CAMK1D: variants seen among roughly 807,000 people sequenced by gnomAD.
CAMK1D encodes the protein calcium/calmodulin dependent protein kinase ID.
Under a neutral mutation model 47.7 loss-of-function variants are expected in CAMK1D, and 9 were observed. That is an observed-to-expected ratio of 0.19 (90% CI 0.11 to 0.33). The LOEUF is 0.33. CAMK1D is among the 10% of genes least tolerant of loss of function. CAMK1D has a pLI of 1.00. For missense variants in CAMK1D, 291 were observed against 488.7 expected (o/e 0.60, Z 3.81); for synonymous variants, 184 against 184.9 (o/e 0.99, Z 0.04).
At chr10:12,699,773 T>C (rs1288363762) in intron 3 of CAMK1D, among the ~76,000 whole-genome samples, 3 of 151,922 alleles carry the variant, frequency 2.0e-5, no homozygotes, top group Non-Finnish European at 2.9e-5. Flanking sequence ...TGCTGATTTC[T>C]TTGGGGCATT....
intron 1 of CAMK1D, among the ~76,000 whole-genome samples, chr10:12,358,201 G>A (rs1271272114): frequency 2.0e-5 from 3 of 152,056 alleles, no homozygotes; most frequent in Admixed American, 2.0e-4. Context: ...CCCCAGCCTG[G>A]GTGACAGAGA....
intron 3 of CAMK1D, among the ~76,000 whole-genome samples, chr10:12,712,667 A>G (rs1437531926): frequency 6.6e-6 from 1 of 152,076 alleles, no homozygotes; most frequent in African/African-American, 2.4e-5. Flanking sequence ...ATCTAACCTG[A>G]TCGTCTCCCA....
At chr10:12,815,527 C>T (rs935916502) in intron 7 of CAMK1D, among the ~76,000 whole-genome samples, 1 of 152,220 alleles carries the variant, frequency 6.6e-6, no homozygotes, top group African/African-American at 2.4e-5. Flanking sequence ...TCCTTCTGAG[C>T]TCAGAGGAGC....
At chr10:12,682,983 G>A (rs1288297280) in intron 3 of CAMK1D, among the ~76,000 whole-genome samples, 1 of 151,444 alleles carries the variant, frequency 6.6e-6, no homozygotes, top group African/African-American at 2.4e-5. Flanking sequence ...ATGCAATGGT[G>A]CAATCTCGGC....
intron 3 of CAMK1D, among the ~76,000 whole-genome samples, chr10:12,677,817 G>T (rs1840862164): frequency 6.6e-6 from 1 of 152,144 alleles, no homozygotes; most frequent in Non-Finnish European, 1.5e-5. Context: ...GTTTTGTCCT[G>T]TAGGAGTTCA....
chr10:12,583,605 A>ATT (rs199562739), intron 2 of CAMK1D, among the ~76,000 whole-genome samples: 93 of 132,648 alleles, frequency 7.0e-4, no homozygotes, highest in South Asian at 1.5e-3. Context: ...TTGTTGTTTT[A>ATT]TTTTTTTTTT....
At chr10:12,696,332 T>G (rs561742363) in intron 3 of CAMK1D, among the ~76,000 whole-genome samples, 12 of 151,604 alleles carry the variant, frequency 7.9e-5, no homozygotes, top group African/African-American at 2.2e-4. Flanking sequence ...AGGTCAGGAG[T>G]TTGAGATCAG....
At chr10:12,659,828 AC>A (rs1289182258) in intron 2 of CAMK1D, among the ~76,000 whole-genome samples, 1 of 152,166 alleles carries the variant, frequency 6.6e-6, no homozygotes, top group Non-Finnish European at 1.5e-5. Context: ...GTAGTGAAAG[AC>A]CTGGTCCTCT....
chr10:12,778,813 C>T lies in CAMK1D; in HGVS notation c.565+9014C>T, dbSNP rs575531363. 3.3e-5 allele frequency among the ~76,000 whole-genome samples: 5 copies of T among 152,136 alleles called. No individual in the cohort carries two copies. In the South Asian group the frequency reaches 6.2e-4, roughly 19 times the overall value. On this transcript the variant is annotated intron_variant, in intron 5 of 10. Transcript: ENST00000619168. ...ACCTGAGCCCAGGACTTTGAGGCAACGGCGAACTATAAGCACACCACTGCA... is the reference window on the plus strand; with the variant it reads ...ACCTGAGCCCAGGACTTTGAGGCAATGGCGAACTATAAGCACACCACTGCA...
chr10:12,430,374 C>G (rs1385681780), intron 1 of CAMK1D, among the ~76,000 whole-genome samples: 1 of 152,350 alleles, frequency 6.6e-6, no homozygotes, highest in Non-Finnish European at 1.5e-5. Flanking sequence ...CGGAACAGGT[C>G]TGTGGGTCCT....
intron 5 of CAMK1D, among the ~76,000 whole-genome samples, chr10:12,778,682 G>A (rs7095507): frequency 0.22 from 34,147 of 152,102 alleles, 4,019 homozygotes; most frequent in East Asian, 0.46. Context: ...TTTGAGACCA[G>A]CCTGGGCAAC....
intron 1 of CAMK1D, among the ~76,000 whole-genome samples, chr10:12,403,481 C>T (rs1028960201): frequency 6.6e-6 from 1 of 152,120 alleles, no homozygotes; most frequent in East Asian, 1.9e-4. Context: ...AGCTCAGTTT[C>T]CAGAAGAGTG....
chr10:12,605,682 C>G (rs1279116246), intron 2 of CAMK1D, among the ~76,000 whole-genome samples: 1 of 152,160 alleles, frequency 6.6e-6, no homozygotes, highest in African/African-American at 2.4e-5. Flanking sequence ...GAGGGGAGCC[C>G]TGGGGGCTGC....
chr10:12,688,399 A>G (rs978939352), intron 3 of CAMK1D, among the ~76,000 whole-genome samples: 3 of 152,172 alleles, frequency 2.0e-5, no homozygotes, highest in East Asian at 3.8e-4. Context: ...ATACAAACCA[A>G]TCTAATTACT....
intron 2 of CAMK1D, among the ~76,000 whole-genome samples, chr10:12,662,594 G>C (rs2132540401): frequency 6.6e-6 from 1 of 150,982 alleles, no homozygotes; most frequent in South Asian, 2.1e-4. Flanking sequence ...GGAGCTTGCA[G>C]TGAGCCGAGA....
intron 5 of CAMK1D, among the ~76,000 whole-genome samples, chr10:12,774,120 C>A (rs1188283314): frequency 6.6e-6 from 1 of 151,998 alleles, no homozygotes; most frequent in African/African-American, 2.4e-5. Flanking sequence ...CATAAAAATC[C>A]CCTCCCTAGT....
chr10:12,615,160 G>A (rs1033568001), intron 2 of CAMK1D, among the ~76,000 whole-genome samples: 5 of 152,206 alleles, frequency 3.3e-5, no homozygotes, highest in African/African-American at 1.2e-4. Flanking sequence ...GCGAGAGGAG[G>A]CAGAATTGGT....
intron 1 of CAMK1D, among the ~76,000 whole-genome samples, chr10:12,356,965 T>A (rs1837537360): frequency 6.6e-6 from 1 of 152,050 alleles, no homozygotes; most frequent in Non-Finnish European, 1.5e-5. Context: ...AGGGTTAACT[T>A]GTTGAGTTTT....
intron 2 of CAMK1D, among the ~76,000 whole-genome samples, chr10:12,591,118 G>A (rs920747869): frequency 6.6e-6 from 1 of 152,124 alleles, no homozygotes; most frequent in African/African-American, 2.4e-5. Flanking sequence ...AAGCTGACTG[G>A]AACAGTCTGT....
Sources: gnomAD v4.1 joint callset for allele counts (sites outside exome capture counted in the v4.1 genomes callset) on GRCh38, gnomAD v4.1.1 for gene constraint, MANE v1.5 for transcripts, NCBI Gene and HGNC (gene_info 2026-07-23, HGNC 2026-07-21) for gene names.